The following R3HDM2 variants were observed in gnomAD, a reference collection of about 807,000 sequenced individuals.
The protein encoded by R3HDM2 is R3H domain containing 2.
Under a neutral mutation model 124.5 loss-of-function variants are expected in R3HDM2, and 38 were observed. The ratio of observed to expected loss-of-function variants is 0.31; its 90% CI spans 0.24 to 0.40. R3HDM2 has a LOEUF of 0.40. R3HDM2 is among the 10% of genes least tolerant of loss of function. R3HDM2 has a pLI of 1.00. For missense variants in R3HDM2, 869 were observed against 1,236.9 expected (o/e 0.70, Z 4.46); for synonymous variants, 391 against 448.0 (o/e 0.87, Z 1.61).
intron 2 of R3HDM2, among the ~76,000 whole-genome samples, chr12:57,348,390 ACCT>A (rs922359647): frequency 6.6e-6 from 1 of 151,570 alleles, no homozygotes; most frequent in African/African-American, 2.4e-5. Flanking sequence ...AACTAGTGAA[ACCT>A]CATCTCTACG....
chr12:57,268,347 T>A lies in R3HDM2; in HGVS notation c.1986A>T (p.Pro662=), dbSNP rs767366036. The change falls in exon 18 of 24, where the codon CCA becomes CCT. Residue 662 remains proline (P), a synonymous_variant. Transcript: ENST00000402412. ...VQGGLPAAGV[P]VYYSMIPPAQ... ...CAGGTGGGATCATGCTATAGTACAC[T>A]GGTACCCCCGCTGCTGGGAGGCCTC... is the stretch of plus-strand genomic sequence containing the variant. The A allele has an allele frequency of 6.2e-7, 1 of 1,614,102 alleles. No homozygotes were observed. Among genetic ancestry groups the A allele is most frequent in the South Asian group, 1.1e-5 (1 of 91,076 alleles).
At chr12:57,300,429 A>T (rs2050866126) in intron 4 of R3HDM2, among the ~76,000 whole-genome samples, 1 of 152,182 alleles carries the variant, frequency 6.6e-6, no homozygotes, top group South Asian at 2.1e-4. Flanking sequence ...AGATGATAGG[A>T]AACCATTTCA....
intron 2 of R3HDM2, among the ~76,000 whole-genome samples, chr12:57,362,306 G>A (rs1357564633): frequency 6.6e-6 from 1 of 152,048 alleles, no homozygotes; most frequent in Non-Finnish European, 1.5e-5. Context: ...AGACTTTTAC[G>A]ATGATCCACT....
chr12:57,372,933 T>C (rs1468116909), intron 2 of R3HDM2, among the ~76,000 whole-genome samples: 2 of 152,196 alleles, frequency 1.3e-5, no homozygotes, highest in East Asian at 1.9e-4. Flanking sequence ...TGGCCAAGCA[T>C]GGGGGCTTGT....
At chr12:57,282,353 A>G (rs1247699002) in intron 13 of R3HDM2, among the ~76,000 whole-genome samples, 2 of 152,164 alleles carry the variant, frequency 1.3e-5, no homozygotes, top group African/African-American at 4.8e-5. Context: ...AGATCTGGAA[A>G]TTAGACAGCA....
At chr12:57,344,303 C>T (rs538759445) in intron 2 of R3HDM2, among the ~76,000 whole-genome samples, 3 of 152,134 alleles carry the variant, frequency 2.0e-5, no homozygotes, top group Non-Finnish European at 2.9e-5. Flanking sequence ...TCATCACTCA[C>T]GAAAAGCTGC....
intron 1 of R3HDM2, among the ~76,000 whole-genome samples, chr12:57,411,032 AT>A (rs2068956272): frequency 6.6e-6 from 1 of 152,206 alleles, no homozygotes; most frequent in Non-Finnish European, 1.5e-5. Flanking sequence ...CAGGCAGCTC[AT>A]TTATTAAGTA....
chr12:57,407,499 G>C (rs1364264304), intron 1 of R3HDM2, among the ~76,000 whole-genome samples: 1 of 150,416 alleles, frequency 6.6e-6, no homozygotes, highest in African/African-American at 2.4e-5. Context: ...TCCACCCTCT[G>C]GGTTCAAGCA....
intron 2 of R3HDM2, among the ~76,000 whole-genome samples, chr12:57,366,846 C>G (rs57245995): frequency 6.6e-6 from 1 of 152,078 alleles, no homozygotes; most frequent in African/African-American, 2.4e-5. Context: ...CCCGCCACCA[C>G]GCCCAGGTAA....
rs543417544 is a variant in R3HDM2, at chr12:57,355,245, C to G, written c.-36+40504G>C. 4.6e-5 allele frequency among the ~76,000 whole-genome samples: 7 copies of G among 151,594 alleles called. No homozygotes were observed. In the South Asian group the frequency reaches 1.0e-3, roughly 23 times the overall value. On this transcript the variant is annotated intron_variant, in intron 2 of 23. Coordinates refer to ENST00000402412, the MANE Select transcript of R3HDM2 (RefSeq NM_001394031.1). Reference sequence around the variant, plus strand: ...GGCCGAGGCGGGCGGATCACGAGGTCAGGAGATCGAGACCATCCTGGCTAA... The same window carrying G: ...GGCCGAGGCGGGCGGATCACGAGGTGAGGAGATCGAGACCATCCTGGCTAA...
intron 2 of R3HDM2, among the ~76,000 whole-genome samples, chr12:57,374,684 A>G (rs1296982773): frequency 3.0e-5 from 2 of 67,410 alleles, no homozygotes; most frequent in Admixed American, 1.9e-4. Context: ...ATTCTATCTT[A>G]AAAAAAAAAA....
chr12:57,332,999 C>G (rs2058395200), intron 2 of R3HDM2, among the ~76,000 whole-genome samples: 1 of 152,174 alleles, frequency 6.6e-6, no homozygotes, highest in African/African-American at 2.4e-5. Context: ...TCTCAAGTAT[C>G]CCTTGACATA....
At chr12:57,370,883 G>A (rs934491488) in intron 2 of R3HDM2, among the ~76,000 whole-genome samples, 2 of 151,964 alleles carry the variant, frequency 1.3e-5, no homozygotes, top group Non-Finnish European at 2.9e-5. Flanking sequence ...TGAGAAATAT[G>A]GGATTTATGC....
chr12:57,358,661 T>A (rs991629396), intron 2 of R3HDM2, among the ~76,000 whole-genome samples: 12 of 150,762 alleles, frequency 8.0e-5, no homozygotes, highest in African/African-American at 2.9e-4. Context: ...AAAAAAAAAA[T>A]TCTAAATTTA....
intron 2 of R3HDM2, among the ~76,000 whole-genome samples, chr12:57,353,486 T>G (rs1378870642): frequency 6.6e-6 from 1 of 152,214 alleles, no homozygotes; most frequent in East Asian, 1.9e-4. Context: ...AATAAATTGT[T>G]AATTTTATTG....
intron 3 of R3HDM2, among the ~76,000 whole-genome samples, chr12:57,308,283 C>T (rs1368588178): frequency 2.6e-5 from 4 of 151,204 alleles, no homozygotes; most frequent in African/African-American, 4.9e-5. Context: ...CTTGAACTCC[C>T]GACCTCAAGT....
chr12:57,302,349 T>A (rs2051394101), intron 4 of R3HDM2, among the ~76,000 whole-genome samples: 1 of 151,786 alleles, frequency 6.6e-6, no homozygotes, highest in Admixed American at 6.6e-5. Flanking sequence ...TTTGTGGGGC[T>A]GAGACGGGTG....
At chr12:57,386,389 C>G (rs1053245152) in intron 2 of R3HDM2, among the ~76,000 whole-genome samples, 1 of 152,252 alleles carries the variant, frequency 6.6e-6, no homozygotes, top group Non-Finnish European at 1.5e-5. Flanking sequence ...GTGGGCTCGG[C>G]AGGCTCCGCA....
chr12:57,290,352 T>A (rs1448575506), intron 11 of R3HDM2, among the ~76,000 whole-genome samples: 1 of 152,178 alleles, frequency 6.6e-6, no homozygotes, highest in Non-Finnish European at 1.5e-5. Context: ...AGCAAGCTAT[T>A]GGGAGGTGGT....
Sources: gnomAD v4.1 joint callset for allele counts (sites outside exome capture counted in the v4.1 genomes callset) on GRCh38, gnomAD v4.1.1 for gene constraint, MANE v1.5 for transcripts, NCBI Gene and HGNC (gene_info 2026-07-23, HGNC 2026-07-21) for gene names.